Variants in ASTN2 observed in about 807,000 individuals in gnomAD.
ASTN2 encodes the protein astrotactin 2.
ASTN2 carries 54 observed loss-of-function variants against 139.8 expected under a neutral mutation model. That is an observed-to-expected ratio of 0.39 (90% CI 0.31 to 0.48). ASTN2 has a LOEUF of 0.48. Ranked by LOEUF, ASTN2 falls within the 20% of genes least tolerant of loss-of-function variation. The pLI is 0.95. For missense variants in ASTN2, 1,565 were observed against 1,725.1 expected (o/e 0.91, Z 1.64); for synonymous variants, 756 against 719.5 (o/e 1.05, Z -0.81).
intron 20 of ASTN2, among the ~76,000 whole-genome samples, chr9:116,460,934 C>T (rs927765698): frequency 6.6e-6 from 1 of 152,112 alleles, no homozygotes; most frequent in African/African-American, 2.4e-5. Flanking sequence ...ATAGAACAAC[C>T]ATTCTTAATG....
chr9:117,256,970 G>GA (rs376274136), intron 2 of ASTN2, among the ~76,000 whole-genome samples: 181 of 146,404 alleles, frequency 1.2e-3, no homozygotes, highest in Middle Eastern at 0.011. Flanking sequence ...TGTTTAGCTG[G>GA]AAAAAAAAAA....
In ASTN2 at chr9:116,687,228, GACAAGCC is replaced by G. The variant is rs549484022; in HGVS notation, c.2807-35442_2807-35436del. ...CCCGCGCGCTTGGGGCCAGCTGCAC[GACAAGCC>G]CCAGCATGCTGGGGAGGCGGGGCTC... On this transcript the variant is annotated intron_variant, in intron 16 of 22. Coordinates refer to ENST00000313400, the MANE Select transcript of ASTN2 (RefSeq NM_001365068.1). The G allele has an allele frequency of 2.5e-4, 250 of 1,004,540 alleles. 3 individuals carry two copies. The East Asian group carries it at 0.018, about 73-fold the overall frequency. The allele number at this position is 1,004,540 out of a possible 1,614,324, so 62.2% of individuals were successfully genotyped here.
rs542340625 is a variant in ASTN2 at position 117,239,296 on chromosome 9, A to G, written c.631-24554T>C. The stretch of plus-strand genomic sequence containing the variant: ...AGGCACCTGAAGCACAGAAATGAAT[A>G]AGAAGTGGCCCCCTCCTCCCCAGAG... On this transcript the variant is annotated intron_variant, in intron 2 of 22. Transcript: ENST00000313400. 3.9e-4 allele frequency among the ~76,000 whole-genome samples: 59 copies of G among 152,272 alleles called. 2 individuals are homozygous for G. The South Asian group carries it at 0.011, about 28-fold the overall frequency.
intron 10 of ASTN2, among the ~76,000 whole-genome samples, chr9:116,925,909 T>C (rs1834743663): frequency 6.6e-6 from 1 of 151,140 alleles, no homozygotes; most frequent in Non-Finnish European, 1.5e-5. Context: ...CATGCACACA[T>C]GCACATAGGG....
intron 2 of ASTN2, among the ~76,000 whole-genome samples, chr9:117,254,870 T>A (rs1260838985): frequency 6.6e-6 from 1 of 152,226 alleles, no homozygotes; most frequent in East Asian, 1.9e-4. Flanking sequence ...TTCTATTTTT[T>A]ATGCCCTCTT....
intron 6 of ASTN2, among the ~76,000 whole-genome samples, chr9:117,012,690 G>A (rs1837569799): frequency 6.6e-6 from 1 of 152,214 alleles, no homozygotes; most frequent in Non-Finnish European, 1.5e-5. Context: ...CTTGAAGGAT[G>A]CAAAGGAGAC....
chr9:117,158,941 T>C (rs1830487653), intron 3 of ASTN2, among the ~76,000 whole-genome samples: 1 of 151,954 alleles, frequency 6.6e-6, no homozygotes, highest in South Asian at 2.1e-4. Flanking sequence ...TCTCCATCCC[T>C]TTCTGCATCC....
chr9:117,010,601 A>G (rs925164531), intron 6 of ASTN2, among the ~76,000 whole-genome samples: 5 of 152,212 alleles, frequency 3.3e-5, no homozygotes, highest in African/African-American at 9.6e-5. Context: ...TGTGATACCA[A>G]TTCCCTTTTC....
chr9:116,427,129 C>A (rs2118801353), intron 22 of ASTN2, among the ~76,000 whole-genome samples: 1 of 152,220 alleles, frequency 6.6e-6, no homozygotes, highest in East Asian at 1.9e-4. Context: ...TCAAAGGTGG[C>A]ATTATCGACA....
intron 19 of ASTN2, among the ~76,000 whole-genome samples, chr9:116,500,683 T>C (rs778579719): frequency 6.6e-6 from 1 of 152,232 alleles, no homozygotes; most frequent in African/African-American, 2.4e-5. Context: ...AGTGACGTCA[T>C]CTTTTTAAGC....
rs1289407940 is a variant in ASTN2, at chr9:116,432,363, G to A, written c.3783-6275C>T. On this transcript the variant is annotated intron_variant, in intron 22 of 22. Coordinates refer to ENST00000313400, the MANE Select transcript of ASTN2 (RefSeq NM_001365068.1). Reference sequence around the variant, plus strand: ...TTTTTCTTAGTGTGCACATATCTTGGGATGTAATGTGGTTTTACAGGACAC... The same window carrying A: ...TTTTTCTTAGTGTGCACATATCTTGAGATGTAATGTGGTTTTACAGGACAC... Among the ~76,000 whole-genome samples the A allele has an allele frequency of 2.0e-5, 3 of 152,214 alleles. No individual in the cohort carries two copies. In the East Asian group the frequency reaches 5.8e-4, roughly 29 times the overall value.
chr9:116,704,099 T>C (rs1223580176), intron 16 of ASTN2, among the ~76,000 whole-genome samples: 1 of 152,212 alleles, frequency 6.6e-6, no homozygotes, highest in East Asian at 1.9e-4. Context: ...GTCAGGCTTG[T>C]GTCTGAATCA....
intron 13 of ASTN2, among the ~76,000 whole-genome samples, chr9:116,752,911 G>T (rs1371224680): frequency 6.6e-6 from 1 of 152,186 alleles, no homozygotes; most frequent in Non-Finnish European, 1.5e-5. Context: ...GTTAATTGCT[G>T]GTGGGAATGC....
chr9:116,671,709 G>C (rs1859205336), intron 16 of ASTN2, among the ~76,000 whole-genome samples: 1 of 152,040 alleles, frequency 6.6e-6, no homozygotes, highest in African/African-American at 2.4e-5. Flanking sequence ...AAAACCAAAT[G>C]AGTCATGAAG....
chr9:116,837,461 C>T (rs1832038514), intron 11 of ASTN2, among the ~76,000 whole-genome samples: 1 of 152,166 alleles, frequency 6.6e-6, no homozygotes, highest in African/African-American at 2.4e-5. Context: ...AGGTTCCTCC[C>T]ACAGGCTAGC....
chr9:116,926,138 T>C (rs982945130), intron 10 of ASTN2, among the ~76,000 whole-genome samples: 1 of 152,176 alleles, frequency 6.6e-6, no homozygotes, highest in African/African-American at 2.4e-5. Context: ...GGTGCCCCTG[T>C]TTGTAATGTT....
rs778616238 is a variant in ASTN2, at chr9:117,214,439, C to T, written c.934G>A (p.Asp312Asn). The change falls in exon 3 of 23, where the codon GAC becomes AAC. Residue 312 changes from aspartate (D) to asparagine (N), a missense_variant. Asp to Asn is a conservative substitution (Grantham distance 23). This residue lies in a region of ASTN2 where 596 missense variants were observed against 576.8 expected (regional missense o/e 1.03). Coordinates refer to ENST00000313400, the MANE Select transcript of ASTN2 (RefSeq NM_001365068.1). Reference sequence around the variant, plus strand: ...TGGGTCACCTGGCTGCCAAACTCGTCCTCGCGGGAGACATGGTTGGCCCGC... The same window carrying T: ...TGGGTCACCTGGCTGCCAAACTCGTTCTCGCGGGAGACATGGTTGGCCCGC... ...PRRANHVSRE[D>N]EFGSQVTHTL... is the part of the protein sequence containing the mutation. 4 of 1,614,026 alleles carry T rather than the reference C, an allele frequency of 2.5e-6. No homozygotes were observed. The highest frequency in any genetic ancestry group is 1.6e-4 in the Middle Eastern group (1 of 6,084).
intron 20 of ASTN2, among the ~76,000 whole-genome samples, chr9:116,465,194 C>A (rs994440960): frequency 1.3e-5 from 2 of 152,244 alleles, no homozygotes; most frequent in African/African-American, 4.8e-5. Context: ...CTTTTCACTA[C>A]AGCCAGCAGG....
At chr9:116,994,257 C>T (rs1300498011) in intron 7 of ASTN2, among the ~76,000 whole-genome samples, 1 of 152,114 alleles carries the variant, frequency 6.6e-6, no homozygotes, top group Non-Finnish European at 1.5e-5. Context: ...AATATGTAAG[C>T]TAATGAGCAT....
Sources: allele counts gnomAD v4.1 joint callset (sites outside exome capture counted in the v4.1 genomes callset), GRCh38; gene constraint gnomAD v4.1.1; regional missense constraint gnomAD v4.1.1; transcripts MANE v1.5; gene names NCBI Gene and HGNC (gene_info 2026-07-23, HGNC 2026-07-21).